The following DYNC1I1 variants were observed in gnomAD, a reference collection of about 807,000 sequenced individuals.
DYNC1I1 encodes the protein cytoplasmic dynein 1 intermediate chain 1.
A neutral mutation model predicts 86.6 loss-of-function variants in DYNC1I1; 43 were observed. That is an observed-to-expected ratio of 0.50 (90% confidence interval 0.39 to 0.64). The LOEUF (loss-of-function observed/expected upper bound fraction) is 0.64. Ranked by LOEUF, DYNC1I1 falls within the 30% of genes least tolerant of loss-of-function variation. The probability of loss-of-function intolerance (pLI) is 0.00; values close to 1 mark genes in which losing one functional copy is unlikely to be tolerated. For synonymous variants in DYNC1I1, 262 were observed against 283.7 expected, an observed-to-expected ratio of 0.92 and a Z score of 0.77; for missense variants, 604 against 788.8, an observed-to-expected ratio of 0.77 and a Z score of 2.81.
intron 6 of DYNC1I1, among the ~76,000 whole-genome samples, chr7:95,951,747 GT>G (rs1792564566): frequency 6.6e-6 from 1 of 152,146 alleles, no homozygotes; most frequent in South Asian, 2.1e-4. Context: ...GATTTTCTCT[GT>G]GTTGTATTCA....
At chr7:96,103,017 C>T (rs1791157831), downstream of DYNC1I1, among the ~76,000 whole-genome samples, 1 of 152,080 alleles carries the variant, frequency 6.6e-6, no homozygotes, top group South Asian at 2.1e-4. Context: ...TTGGGATGTA[C>T]AGAACCAGAA....
At chr7:95,959,278 T>C (rs1792800969) in intron 6 of DYNC1I1, among the ~76,000 whole-genome samples, 1 of 152,116 alleles carries the variant, frequency 6.6e-6, no homozygotes. Flanking sequence ...AATGGCAGAA[T>C]TTTAGCAGGG....
intron 14 of DYNC1I1, among the ~76,000 whole-genome samples, chr7:96,073,373 T>C (rs191512716): frequency 8.7e-4 from 132 of 152,280 alleles, no homozygotes; most frequent in Middle Eastern, 3.4e-3. Flanking sequence ...ACTTAAAATG[T>C]GAAGTCTCCA....
At chr7:96,038,329 C>T (rs1788931216) in intron 13 of DYNC1I1, among the ~76,000 whole-genome samples, 1 of 152,168 alleles carries the variant, frequency 6.6e-6, no homozygotes, top group African/African-American at 2.4e-5. Flanking sequence ...ACCTCATGCA[C>T]ATGAATATTT....
chr7:96,049,800 G>A (rs902269445), intron 14 of DYNC1I1, among the ~76,000 whole-genome samples: 2 of 152,074 alleles, frequency 1.3e-5, no homozygotes, highest in Admixed American at 6.5e-5. Context: ...GGGAAGCCGA[G>A]GTGAGCGGAT....
chr7:95,795,391 C>A (rs1465711934), intron 1 of DYNC1I1, among the ~76,000 whole-genome samples: 2 of 151,824 alleles, frequency 1.3e-5, no homozygotes, highest in Non-Finnish European at 2.9e-5. Context: ...ATTATATAAT[C>A]CTTGAAGTTC....
At chr7:95,904,326 C>A (rs2116319506) in intron 6 of DYNC1I1, among the ~76,000 whole-genome samples, 1 of 152,254 alleles carries the variant, frequency 6.6e-6, no homozygotes, top group African/African-American at 2.4e-5. Context: ...ACTCCCAGAG[C>A]AACTGCTGGA....
At chr7:95,868,002 G>A (rs1435825175) in intron 5 of DYNC1I1, among the ~76,000 whole-genome samples, 1 of 152,180 alleles carries the variant, frequency 6.6e-6, no homozygotes, top group Non-Finnish European at 1.5e-5. Flanking sequence ...GAAACTTTGA[G>A]GATTTTCCCT....
At chr7:95,884,353 C>A (rs969458472) in intron 6 of DYNC1I1, among the ~76,000 whole-genome samples, 1 of 151,788 alleles carries the variant, frequency 6.6e-6, no homozygotes, top group Non-Finnish European at 1.5e-5. Context: ...CTCACCTCAG[C>A]CTCTCAAAAT....
chr7:95,888,816 C>T (rs999158539), intron 6 of DYNC1I1, among the ~76,000 whole-genome samples: 2 of 152,102 alleles, frequency 1.3e-5, no homozygotes, highest in Admixed American at 6.6e-5. Context: ...CACAAAATAG[C>T]CAGAAAAGCG....
chr7:95,836,981 C>T (rs1034056287), intron 5 of DYNC1I1, among the ~76,000 whole-genome samples: 2 of 152,174 alleles, frequency 1.3e-5, no homozygotes, highest in African/African-American at 4.8e-5. Flanking sequence ...CAAGGTCGTT[C>T]TCCGTCCAGC....
At chr7:95,938,162 T>G (rs888639062) in intron 6 of DYNC1I1, among the ~76,000 whole-genome samples, 6 of 152,170 alleles carry the variant, frequency 3.9e-5, no homozygotes, top group Admixed American at 3.9e-4. Flanking sequence ...CTCATTTGCA[T>G]TAGCCCAGAA....
chr7:95,899,832 T>G (rs746579704), intron 6 of DYNC1I1, among the ~76,000 whole-genome samples: 16 of 152,218 alleles, frequency 1.1e-4, no homozygotes, highest in Non-Finnish European at 1.9e-4. Flanking sequence ...TTCTTTTCTA[T>G]GAATATTCTC....
intron 16 of DYNC1I1, among the ~76,000 whole-genome samples, chr7:96,084,061 T>C (rs1445789861): frequency 1.3e-5 from 2 of 152,044 alleles, no homozygotes; most frequent in South Asian, 2.1e-4. Context: ...TTTTTTAGGC[T>C]GGGGAGAAAA....
chr7:95,988,839 C>T (rs905195108), intron 9 of DYNC1I1, among the ~76,000 whole-genome samples: 2 of 152,162 alleles, frequency 1.3e-5, no homozygotes, highest in Non-Finnish European at 2.9e-5. Context: ...CCCCTCACAA[C>T]AATCATATGA....
chr7:96,052,186 G>A lies in DYNC1I1; in HGVS notation c.1509+12765G>A, dbSNP rs145160492. ...AGATGTACATTGAAAGCATACTATA[G>A]CAAATATTTAGTTAGCAGTAGTTTT... is the stretch of plus-strand genomic sequence containing the variant. On this transcript the variant is annotated intron_variant, in intron 14 of 16. Coordinates refer to ENST00000447467, the MANE Select transcript of DYNC1I1 (RefSeq NM_001135556.2). Among the ~76,000 whole-genome samples the A allele has an allele frequency of 3.8e-3, 581 of 152,114 alleles. 2 individuals carry two copies. Among genetic ancestry groups the A allele is most frequent in the African/African-American group, 0.013 (529 of 41,468 alleles).
intron 4 of DYNC1I1, chr7:95,818,492 T>C: frequency 4.5e-6 from 3 of 673,972 alleles, no homozygotes; most frequent in African/African-American, 1.9e-5. Flanking sequence ...TTTTTTTTTT[T>C]TTGTAGAGAC....
intron 6 of DYNC1I1, among the ~76,000 whole-genome samples, chr7:95,882,784 A>G (rs1790488514): frequency 6.6e-6 from 1 of 152,238 alleles, no homozygotes; most frequent in African/African-American, 2.4e-5. Context: ...TTACAGAGAC[A>G]ACACGCTGAG....
Position 95,804,763 on chromosome 7 carries a change from G to C in DYNC1I1, c.34G>C (p.Glu12Gln). 2 of 1,602,386 alleles carry C rather than the reference G, an allele frequency of 1.2e-6. No individual in the cohort carries two copies. Among genetic ancestry groups the C allele is most frequent in the Non-Finnish European group, 8.5e-7 (1 of 1,173,690 alleles). The part of the protein sequence containing the change: ...SDKSDLKAEL[E>Q]RKKQRLAQIR... ...CAAAAGTGACTTAAAAGCTGAGCTA[G>C]AGCGCAAAAAGCAGCGCTTAGCACA... The change falls in exon 2 of 17, where the codon GAG (glutamate) becomes CAG (glutamine). Residue 12 changes from glutamate (E) to glutamine (Q), a missense_variant. Coordinates refer to ENST00000447467, the MANE Select transcript of DYNC1I1 (RefSeq NM_001135556.2).
Sources: allele counts gnomAD v4.1 joint callset (sites outside exome capture counted in the v4.1 genomes callset), GRCh38; gene constraint gnomAD v4.1.1; transcripts MANE v1.5; gene names NCBI Gene and HGNC (gene_info 2026-07-23, HGNC 2026-07-21).